MAGI2: variants seen among roughly 807,000 people sequenced by gnomAD.
The protein encoded by MAGI2 is membrane-associated guanylate kinase, WW and PDZ domain-containing protein 2.
MAGI2 carries 35 observed loss-of-function variants against 133.3 expected under a neutral mutation model. The ratio of observed to expected loss-of-function variants is 0.26; its 90% CI spans 0.20 to 0.35. The LOEUF (loss-of-function observed/expected upper bound fraction) is 0.35. MAGI2 is among the 10% of genes least tolerant of loss of function. The pLI is 1.00. For synonymous variants in MAGI2, 729 were observed against 710.6 expected (o/e 1.03, Z -0.41); for missense variants, 1,636 against 1,863.4 (o/e 0.88, Z 2.25).
chr7:79,079,127 AC>A (rs1441623608), intron 1 of MAGI2, among the ~76,000 whole-genome samples: 1 of 151,198 alleles, frequency 6.6e-6, no homozygotes, highest in Admixed American at 6.6e-5. Context: ...TTCCTCTCTC[AC>A]CCCCTCCTCA....
At chr7:78,784,546 A>T (rs1161497128) in intron 2 of MAGI2, among the ~76,000 whole-genome samples, 1 of 152,184 alleles carries the variant, frequency 6.6e-6, no homozygotes, top group East Asian at 1.9e-4. Flanking sequence ...ACCTCTTCCG[A>T]TAGTAGGTCA....
chr7:78,678,978 C>A (rs573832640), intron 2 of MAGI2, among the ~76,000 whole-genome samples: 1 of 152,118 alleles, frequency 6.6e-6, no homozygotes, highest in Non-Finnish European at 1.5e-5. Flanking sequence ...TTTATCTGAC[C>A]CAATGATATA....
intron 2 of MAGI2, among the ~76,000 whole-genome samples, chr7:78,903,094 T>C (rs1214755414): frequency 1.3e-5 from 2 of 150,220 alleles, no homozygotes; most frequent in Non-Finnish European, 3.0e-5. Flanking sequence ...TTTTGCAAAA[T>C]TTTCTAAAAC....
rs368448456 is a variant in MAGI2, at chr7:78,574,566, G to T, written c.538+52554C>A. Among the ~76,000 whole-genome samples the T allele has an allele frequency of 3.0e-4, 46 of 152,286 alleles. No individual in the cohort carries two copies. The South Asian group carries it at 4.1e-3, about 14-fold the overall frequency. ...GATGGCATTGTAACTCATTAAGAAC[G>T]ACTTAATGTAATGCTTGACTTGTTT... On this transcript the variant is annotated intron_variant, in intron 3 of 21. Transcript: ENST00000354212.
At chr7:78,664,600 A>C (rs142206779) in intron 2 of MAGI2, among the ~76,000 whole-genome samples, 1,582 of 152,064 alleles carry the variant, frequency 0.01, 27 homozygotes, top group African/African-American at 0.036. Context: ...TTAGCATTCA[A>C]ATTATCTTGA....
chr7:78,832,929 C>T (rs760895325), intron 2 of MAGI2, among the ~76,000 whole-genome samples: 2 of 152,098 alleles, frequency 1.3e-5, no homozygotes, highest in African/African-American at 4.8e-5. Flanking sequence ...TTGTGGAGAG[C>T]CTATAAACCG....
intron 20 of MAGI2, among the ~76,000 whole-genome samples, chr7:78,110,043 G>C (rs985372650): frequency 3.3e-5 from 5 of 152,210 alleles, no homozygotes; most frequent in South Asian, 2.1e-4. Context: ...GCACTGACTC[G>C]GGAGCTTGCC....
At chr7:79,396,832 A>G (rs1427624709) in intron 1 of MAGI2, among the ~76,000 whole-genome samples, 1 of 152,158 alleles carries the variant, frequency 6.6e-6, no homozygotes, top group Non-Finnish European at 1.5e-5. Context: ...TATACATTAT[A>G]CTTCTTAAAA....
chr7:78,379,794 A>G (rs2151288739), intron 6 of MAGI2, among the ~76,000 whole-genome samples: 1 of 152,208 alleles, frequency 6.6e-6, no homozygotes, highest in South Asian at 2.1e-4. Context: ...CAAAATTGTT[A>G]GATTACAAAA....
At position 78,160,158 on chromosome 7, in the gene MAGI2, A is replaced by G. The variant is rs755339661; in HGVS notation, c.2712T>C (p.Asn904=). The G allele has an allele frequency of 1.9e-6, 3 of 1,612,946 alleles. No individual in the cohort carries two copies. The highest frequency in any genetic ancestry group is 1.7e-5 in the Admixed American group (1 of 59,876). Residue 904 remains asparagine (N), a synonymous_variant, in exon 16 of 22, where the codon AAT becomes AAC. Coordinates refer to ENST00000354212, the MANE Select transcript of MAGI2 (RefSeq NM_012301.4). ...TNSNHAAPSS[N]ASPPEGFASH... is the part of the protein sequence containing the mutation. Reference sequence around the variant, plus strand: ...AGGCGAAGCCTTCAGGGGGAGAGGCATTGCTACTGGGGGCAGCGTGGTTGC... The same window carrying G: ...AGGCGAAGCCTTCAGGGGGAGAGGCGTTGCTACTGGGGGCAGCGTGGTTGC...
chr7:78,643,888 G>C (rs1460364454), intron 2 of MAGI2, among the ~76,000 whole-genome samples: 1 of 151,792 alleles, frequency 6.6e-6, no homozygotes, highest in Admixed American at 6.6e-5. Flanking sequence ...ACACACTATT[G>C]AAAAATGGAT....
chr7:79,002,128 CTTCTTCT>C (rs1237215810), intron 2 of MAGI2, among the ~76,000 whole-genome samples: 4 of 129,622 alleles, frequency 3.1e-5, no homozygotes, highest in East Asian at 4.8e-4. Flanking sequence ...TCTTCTTCTT[CTTCTTCT>C]TTTTTTTTTT....
At chr7:78,382,673 C>T (rs59272929) in intron 6 of MAGI2, among the ~76,000 whole-genome samples, 2,957 of 152,096 alleles carry the variant, frequency 0.019, 92 homozygotes, top group African/African-American at 0.065. Context: ...TAAGTACAGT[C>T]GCCGTACTCT....
chr7:78,520,791 G>A (rs1009091933), intron 4 of MAGI2, among the ~76,000 whole-genome samples: 6 of 146,684 alleles, frequency 4.1e-5, no homozygotes, highest in Non-Finnish European at 7.6e-5. Context: ...GTGGTACAAT[G>A]ATCATAAATC....
At chr7:78,843,108 T>C (rs925855509) in intron 2 of MAGI2, among the ~76,000 whole-genome samples, 1 of 151,732 alleles carries the variant, frequency 6.6e-6, no homozygotes, top group African/African-American at 2.4e-5. Flanking sequence ...GCTGTAGGAG[T>C]CTTGTGTGTT....
At chr7:79,201,028 C>T (rs1471015556) in intron 1 of MAGI2, among the ~76,000 whole-genome samples, 3 of 151,880 alleles carry the variant, frequency 2.0e-5, no homozygotes, top group Non-Finnish European at 2.9e-5. Flanking sequence ...GCAGGGCTTT[C>T]GGTCTACAAG....
At chr7:79,097,312 A>G (rs1817598414) in intron 1 of MAGI2, among the ~76,000 whole-genome samples, 1 of 152,248 alleles carries the variant, frequency 6.6e-6, no homozygotes. Context: ...TCCTTATCAT[A>G]AAACAGAAAA....
At chr7:79,251,063 A>C (rs4730733) in intron 1 of MAGI2, among the ~76,000 whole-genome samples, 128,491 of 152,150 alleles carry the variant, frequency 0.84, 54,347 homozygotes, top group African/African-American at 0.86. Flanking sequence ...AGACCCTTAC[A>C]TCTTGCCATA....
At chr7:78,883,594 G>A (rs574393116) in intron 2 of MAGI2, among the ~76,000 whole-genome samples, 4 of 152,204 alleles carry the variant, frequency 2.6e-5, no homozygotes, top group Non-Finnish European at 4.4e-5. Context: ...CAAAGCTGGA[G>A]GCATCGCATT....
Sources: gnomAD v4.1 joint callset for allele counts (sites outside exome capture counted in the v4.1 genomes callset) on GRCh38, gnomAD v4.1.1 for gene constraint, MANE v1.5 for transcripts, NCBI Gene and HGNC (gene_info 2026-07-23, HGNC 2026-07-21) for gene names.